The following ARHGEF28 variants were observed in gnomAD, a reference collection of about 807,000 sequenced individuals.
The protein encoded by ARHGEF28 is Rho guanine nucleotide exchange factor 28.
In ARHGEF28, 152 loss-of-function variants were observed where a neutral mutation model predicts 206.6. The ratio of observed to expected loss-of-function variants is 0.74; its 90% confidence interval spans 0.64 to 0.84. ARHGEF28 has a LOEUF of 0.84. Among genes scored for constraint, ARHGEF28 ranks in the 40% least tolerant of loss-of-function variants. The probability of loss-of-function intolerance (pLI) is 0.00; values close to 1 mark genes in which losing one functional copy is unlikely to be tolerated. For missense variants in ARHGEF28, 2,028 were observed against 2,073.2 expected, an observed-to-expected ratio of 0.98 and a Z score of 0.42; for synonymous variants, 763 against 776.4, an observed-to-expected ratio of 0.98 and a Z score of 0.29.
intron 1 of ARHGEF28, among the ~76,000 whole-genome samples, chr5:73,641,432 T>A (rs1402856022): frequency 6.7e-6 from 1 of 150,166 alleles, no homozygotes; most frequent in Non-Finnish European, 1.5e-5. Flanking sequence ...GCTCATTTCA[T>A]CTGTATTTGG....
At chr5:73,864,941 C>G (rs1286366241) in intron 17 of ARHGEF28, 69 bp downstream of exon 17, 32 of 1,410,508 alleles carry the variant, frequency 2.3e-5, no homozygotes, top group Non-Finnish European at 3.1e-5. Context: ...TGAGCTTTTA[C>G]TCTTTTTTAT....
intron 35 of ARHGEF28, among the ~76,000 whole-genome samples, chr5:73,929,359 G>A (rs1269401633): frequency 1.3e-5 from 2 of 152,052 alleles, no homozygotes; most frequent in Non-Finnish European, 2.9e-5. Context: ...AAGCATTTCA[G>A]TATTTGTCTC....
At chr5:73,822,799 A>AT (rs1010941320) in intron 9 of ARHGEF28, among the ~76,000 whole-genome samples, 35 of 151,846 alleles carry the variant, frequency 2.3e-4, no homozygotes, top group South Asian at 4.2e-4. Context: ...AATTTGTTTC[A>AT]TTTTTTTTGT....
intron 9 of ARHGEF28, among the ~76,000 whole-genome samples, chr5:73,800,385 C>T (rs1250598378): frequency 6.6e-6 from 1 of 152,080 alleles, no homozygotes; most frequent in African/African-American, 2.4e-5. Flanking sequence ...GTATTTATTT[C>T]CCTCCAAACC....
At chr5:73,771,051 G>C (rs1753193820) in intron 4 of ARHGEF28, among the ~76,000 whole-genome samples, 1 of 152,152 alleles carries the variant, frequency 6.6e-6, no homozygotes, top group South Asian at 2.1e-4. Flanking sequence ...TGGTATTTAG[G>C]GCATTGCACC....
intron 1 of ARHGEF28, among the ~76,000 whole-genome samples, chr5:73,664,143 C>T (rs1347300807): frequency 2.0e-5 from 3 of 152,242 alleles, no homozygotes; most frequent in Non-Finnish European, 4.4e-5. Context: ...TCCCTCCTTA[C>T]TGCTCCACCT....
chr5:73,736,476 C>T (rs1013268958), intron 2 of ARHGEF28, among the ~76,000 whole-genome samples: 2 of 152,110 alleles, frequency 1.3e-5, no homozygotes, highest in East Asian at 1.9e-4. Context: ...CCTTATAGGC[C>T]AATTGTAAGG....
At position 73,904,080 on chromosome 5, in the gene ARHGEF28, G is replaced by A. The variant is rs1360350069; in HGVS notation, c.4075-142G>A. ...ATTCTATAGGCTTTTATTTCTGGGA[G>A]GAAACTGAGTCAGTATAGATAAGGT... On this transcript the variant is annotated intron_variant, in intron 31 of 35. Transcript: ENST00000513042. The A allele has an allele frequency of 6.8e-6, 5 of 739,534 alleles. No individual in the cohort carries two copies. The Admixed American group carries it at 1.4e-4, about 21-fold the overall frequency. The allele number at this position is 739,534 out of a possible 1,614,324, so 45.8% of individuals were successfully genotyped here. A position where few individuals can be genotyped will look rare whatever the true frequency, so the allele number is the denominator to read the frequency against.
intron 14 of ARHGEF28, among the ~76,000 whole-genome samples, chr5:73,854,471 C>T (rs1418832405): frequency 6.6e-6 from 1 of 152,180 alleles, no homozygotes; most frequent in Non-Finnish European, 1.5e-5. Flanking sequence ...TTCTTCAAAT[C>T]TGAGGATCTG....
intron 10 of ARHGEF28, among the ~76,000 whole-genome samples, chr5:73,836,719 C>T (rs1380019287): frequency 1.3e-5 from 2 of 152,052 alleles, no homozygotes; most frequent in Non-Finnish European, 2.9e-5. Context: ...GTGTCACATC[C>T]AAAAAATAAT....
chr5:73,883,987 A>G (rs113730405), intron 24 of ARHGEF28, 103 bp downstream of exon 24: 1 of 559,530 alleles, frequency 1.8e-6, no homozygotes, highest in East Asian at 3.4e-5. Flanking sequence ...CTGATTCATA[A>G]AGAGTTTCAC....
At chr5:73,820,606 G>T (rs1259267002) in intron 9 of ARHGEF28, among the ~76,000 whole-genome samples, 2 of 152,086 alleles carry the variant, frequency 1.3e-5, no homozygotes, top group African/African-American at 4.8e-5. Context: ...CCCTGACTTG[G>T]CCCCACCCTG....
chr5:73,677,747 G>A (rs1746795832), intron 1 of ARHGEF28, among the ~76,000 whole-genome samples: 1 of 152,140 alleles, frequency 6.6e-6, no homozygotes, highest in African/African-American at 2.4e-5. Flanking sequence ...AAAAATTCTG[G>A]CTGTGTACTA....
chr5:73,869,223 G>GT (rs1446878465), intron 20 of ARHGEF28, among the ~76,000 whole-genome samples: 1 of 25,702 alleles, frequency 3.9e-5, no homozygotes, highest in Non-Finnish European at 7.7e-5. Flanking sequence ...TGTGTGGGGT[G>GT]GAGGGGGGTG....
At chr5:73,794,835 G>A (rs1013183468) in intron 8 of ARHGEF28, among the ~76,000 whole-genome samples, 1 of 152,156 alleles carries the variant, frequency 6.6e-6, no homozygotes, top group Non-Finnish European at 1.5e-5. Flanking sequence ...TCGAACTCGT[G>A]ACCTCAGGTG....
At chr5:73,937,147 C>T (rs905093423) in intron 35 of ARHGEF28, among the ~76,000 whole-genome samples, 13 of 152,222 alleles carry the variant, frequency 8.5e-5, no homozygotes, top group Non-Finnish European at 1.9e-4. Flanking sequence ...GTGCTGTCTG[C>T]AGGTGTGTCT....
rs755309989 is a variant in ARHGEF28 at position 73,846,345 on chromosome 5, G to A, written c.1505G>A (p.Gly502Glu). 3.7e-6 allele frequency: 6 copies of A among 1,613,714 alleles called. No individual in the cohort carries two copies. In the African/African-American group the frequency reaches 4.0e-5, roughly 11 times the overall value. ...CCATCCCACATCTGTTACACTCCAG[G>A]GTCTCAGAGCTCCTCAAGAACTGGG... Reference protein sequence around the residue: ...SEPSHICYTPGSQSSSRTGIP... With the variant: ...SEPSHICYTPESQSSSRTGIP... Residue 502 changes from glycine (G) to glutamate (E), a missense_variant, in exon 12 of 36, where the codon GGG becomes GAG. By Grantham distance (98) the Gly-to-Glu change is moderately conservative. Coordinates refer to ENST00000513042, the MANE Select transcript of ARHGEF28 (RefSeq NM_001177693.2).
chr5:73,804,050 A>C (rs114468478), intron 9 of ARHGEF28, among the ~76,000 whole-genome samples: 3,885 of 140,408 alleles, frequency 0.028, 63 homozygotes, highest in Middle Eastern at 0.063. Flanking sequence ...GCACCATTGC[A>C]CTCCAGCCTG....
intron 11 of ARHGEF28, among the ~76,000 whole-genome samples, chr5:73,845,986 C>CAA (rs57600570): frequency 1.3e-3 from 85 of 63,468 alleles, no homozygotes; most frequent in Middle Eastern, 0.01. Context: ...AAAACTGTCT[C>CAA]AAAAAAAAAA....
Sources: allele counts gnomAD v4.1 joint callset (sites outside exome capture counted in the v4.1 genomes callset), GRCh38; gene constraint gnomAD v4.1.1; transcripts MANE v1.5; gene names NCBI Gene and HGNC (gene_info 2026-07-23, HGNC 2026-07-21).